TUSC3: variants seen among roughly 807,000 people sequenced by gnomAD.
TUSC3 encodes the protein dolichyl-diphosphooligosaccharide--protein glycosyltransferase subunit TUSC3.
Under a neutral mutation model 44.8 loss-of-function variants are expected in TUSC3, and 45 were observed. The ratio of observed to expected loss-of-function variants is 1.00; its 90% confidence interval spans 0.79 to 1.29. The LOEUF (loss-of-function observed/expected upper bound fraction) is 1.29. TUSC3 is among the 50% of genes most tolerant of loss of function. The pLI is 0.00. For missense variants in TUSC3, 519 were observed against 437.9 expected (o/e 1.19, Z -1.65); for synonymous variants, 212 against 152.9 (o/e 1.39, Z -2.85).
At chr8:15,819,250 A>G in the TUSC3 span, among the ~76,000 whole-genome samples, 1 of 152,090 alleles carries the variant, frequency 6.6e-6, no homozygotes, top group Non-Finnish European at 1.5e-5. Flanking sequence ...ATTAATCTCA[A>G]ACCCTGTCTC....
At chr8:15,431,042 G>A (rs1799866987) in intron 1 of TUSC3, among the ~76,000 whole-genome samples, 1 of 151,588 alleles carries the variant, frequency 6.6e-6, no homozygotes, top group Admixed American at 6.6e-5. Context: ...ACTGGTATAT[G>A]TATCAGTCTT....
chr8:15,684,452 C>T (rs1477418995), intron 6 of TUSC3, among the ~76,000 whole-genome samples: 1 of 152,152 alleles, frequency 6.6e-6, no homozygotes, highest in African/African-American at 2.4e-5. Context: ...TTGAGTTCTC[C>T]TGACCTGGTG....
intron 1 of TUSC3, among the ~76,000 whole-genome samples, chr8:15,579,101 C>T (rs893254228): frequency 3.3e-5 from 5 of 151,910 alleles, no homozygotes; most frequent in Admixed American, 6.6e-5. Flanking sequence ...AGTTTATTTG[C>T]GTAGAGGTGT....
chr8:15,454,336 T>C (rs1340961363), intron 1 of TUSC3, among the ~76,000 whole-genome samples: 3 of 152,226 alleles, frequency 2.0e-5, no homozygotes, highest in Admixed American at 6.5e-5. Flanking sequence ...TTCAGCCTTA[T>C]GCCCCTCAGT....
At chr8:15,463,634 C>G (rs78131386) in intron 1 of TUSC3, among the ~76,000 whole-genome samples, 8,696 of 152,030 alleles carry the variant, frequency 0.057, 276 homozygotes, top group South Asian at 0.11. Context: ...GATCATGAAG[C>G]CTTTTGATTA....
intron 1 of TUSC3, among the ~76,000 whole-genome samples, chr8:15,446,591 G>T (rs545025426): frequency 1.3e-5 from 2 of 151,938 alleles, no homozygotes; most frequent in African/African-American, 4.8e-5. Context: ...GTCAGGCGTG[G>T]CGGCGGGCGC....
chr8:15,749,100 T>A (rs1811577163), intron 9 of TUSC3, among the ~76,000 whole-genome samples: 1 of 143,464 alleles, frequency 7.0e-6, no homozygotes, highest in African/African-American at 2.6e-5. Context: ...TTGAGCTTTT[T>A]CCTCCTTCAA....
At chr8:15,546,295 A>G (rs879685039) in intron 1 of TUSC3, among the ~76,000 whole-genome samples, 2 of 151,764 alleles carry the variant, frequency 1.3e-5, no homozygotes, top group African/African-American at 2.4e-5. Flanking sequence ...TGGAAAACAA[A>G]TTTTAACATT....
intron 1 of TUSC3, among the ~76,000 whole-genome samples, chr8:15,431,274 C>A (rs1799869242): frequency 6.6e-6 from 1 of 151,178 alleles, no homozygotes; most frequent in Non-Finnish European, 1.5e-5. Context: ...CTCTATAGAT[C>A]ACTTTGATTA....
intron 2 of TUSC3, among the ~76,000 whole-genome samples, chr8:15,514,745 C>T (rs1006926821): frequency 6.6e-5 from 10 of 152,128 alleles, no homozygotes; most frequent in Non-Finnish European, 1.5e-4. Flanking sequence ...TCAAAGTAAT[C>T]ACAGAAGATG....
At chr8:15,691,979 C>G (rs1035357002) in intron 6 of TUSC3, among the ~76,000 whole-genome samples, 1 of 151,998 alleles carries the variant, frequency 6.6e-6, no homozygotes, top group Non-Finnish European at 1.5e-5. Context: ...CAGGGTCTCA[C>G]CATGTTGGCC....
chr8:15,424,833 A>G (rs541945715), intron 1 of TUSC3, among the ~76,000 whole-genome samples: 9 of 151,810 alleles, frequency 5.9e-5, no homozygotes, highest in Non-Finnish European at 1.0e-4. Context: ...GAGCCGAGGT[A>G]GCACCACTGT....
intron 2 of TUSC3, among the ~76,000 whole-genome samples, chr8:15,512,050 G>C (rs1455005899): frequency 6.6e-6 from 1 of 152,138 alleles, no homozygotes; most frequent in African/African-American, 2.4e-5. Context: ...GAACCTAGAA[G>C]ATCCAGAACA....
At chr8:15,664,253 T>C (rs1293574563) in intron 5 of TUSC3, among the ~76,000 whole-genome samples, 1 of 151,768 alleles carries the variant, frequency 6.6e-6, no homozygotes, top group Non-Finnish European at 1.5e-5. Flanking sequence ...AGTTCTGTAT[T>C]GTTTACACAA....
the TUSC3 span, among the ~76,000 whole-genome samples, chr8:15,815,494 T>C: frequency 6.6e-6 from 1 of 152,076 alleles, no homozygotes; most frequent in Non-Finnish European, 1.5e-5. Context: ...ACTTCTCCAG[T>C]GGGCCAGGAA....
chr8:15,723,063 A>T (rs1810363117), intron 6 of TUSC3, among the ~76,000 whole-genome samples: 1 of 152,132 alleles, frequency 6.6e-6, no homozygotes, highest in African/African-American at 2.4e-5. Flanking sequence ...TTTTTTAAAC[A>T]AATATCTCTG....
intron 6 of TUSC3, among the ~76,000 whole-genome samples, chr8:15,716,450 C>A (rs1810063274): frequency 6.6e-6 from 1 of 151,202 alleles, no homozygotes; most frequent in African/African-American, 2.4e-5. Flanking sequence ...TTTTTGAAAT[C>A]TATAAAGAAA....
intron 7 of TUSC3, among the ~76,000 whole-genome samples, chr8:15,736,963 A>G (rs1195677831): frequency 6.6e-6 from 1 of 152,174 alleles, no homozygotes; most frequent in Non-Finnish European, 1.5e-5. Flanking sequence ...CATGAAATAA[A>G]TATTAGTTAG....
chr8:15,716,098 A>T (rs1367691149), intron 6 of TUSC3, among the ~76,000 whole-genome samples: 1 of 152,046 alleles, frequency 6.6e-6, no homozygotes, highest in Non-Finnish European at 1.5e-5. Flanking sequence ...TCTACTAAAA[A>T]TACAAAAATT....
Sources: gnomAD v4.1 joint callset for allele counts (sites outside exome capture counted in the v4.1 genomes callset) on GRCh38, gnomAD v4.1.1 for gene constraint, MANE v1.5 for transcripts, NCBI Gene and HGNC (gene_info 2026-07-23, HGNC 2026-07-21) for gene names.